CHN2: variants seen among roughly 807,000 people sequenced by gnomAD.
The protein encoded by CHN2 is chimerin 2.
Under a neutral mutation model 56.3 loss-of-function variants are expected in CHN2, and 35 were observed. That is an observed-to-expected ratio of 0.62 (90% confidence interval 0.47 to 0.82). The LOEUF (loss-of-function observed/expected upper bound fraction) is 0.82, where lower values mean the gene tolerates loss of function less well. CHN2 is among the 40% of genes least tolerant of loss of function. The pLI is 0.00. For synonymous variants in CHN2, 210 were observed against 212.8 expected (o/e 0.99, Z 0.12); for missense variants, 491 against 580.5 (o/e 0.85, Z 1.58).
intron 6 of CHN2, among the ~76,000 whole-genome samples, chr7:29,458,521 AC>A (rs1585465126): frequency 6.6e-6 from 1 of 152,100 alleles, no homozygotes; most frequent in East Asian, 1.9e-4. Context: ...CCTGCCCCCA[AC>A]TTTTTACTTC....
intron 1 of CHN2, among the ~76,000 whole-genome samples, chr7:29,231,556 A>G (rs117985843): frequency 0.049 from 7,421 of 152,278 alleles, 254 homozygotes; most frequent in Non-Finnish European, 0.076. Flanking sequence ...TAATGGTAAC[A>G]TATTGTCCTC....
At chr7:29,408,796 C>T (rs952749817) in intron 6 of CHN2, among the ~76,000 whole-genome samples, 10 of 152,058 alleles carry the variant, frequency 6.6e-5, no homozygotes, top group Non-Finnish European at 1.0e-4. Context: ...CAAAGAGGAA[C>T]GGAAGAGGAA....
In CHN2 at chr7:29,513,780, T is replaced by C; in HGVS notation, c.*1045T>C. The C allele has an allele frequency of 6.6e-6, 1 of 152,646 alleles. No homozygotes were observed. The highest frequency in any genetic ancestry group is 1.9e-4 in the East Asian group (1 of 5,208). The allele number at this position is 152,646 out of a possible 1,614,324, so 9.5% of individuals were successfully genotyped here. A position where few individuals can be genotyped will look rare whatever the true frequency, so the allele number is the denominator to read the frequency against. ...TTTTTTAAAGTGAGAATAAGGTTGG[T>C]TTTTACCAAATATTTGTTCCTCCTT... On this transcript the variant is annotated 3_prime_UTR_variant, in exon 13 of 13. Coordinates refer to ENST00000222792, the MANE Select transcript of CHN2 (RefSeq NM_004067.4).
intron 1 of CHN2, among the ~76,000 whole-genome samples, chr7:29,308,044 T>C (rs1794304980): frequency 6.6e-6 from 1 of 152,250 alleles, no homozygotes; most frequent in Non-Finnish European, 1.5e-5. Context: ...CAGCTAATAG[T>C]GTCTACTGGG....
At position 29,170,788 on chromosome 7, in the gene CHN2, G is replaced by A. The variant is rs186887974; in HGVS notation, c.274+23828G>A. Among the ~76,000 whole-genome samples, 740 of 152,228 alleles carry A rather than the reference G, an allele frequency of 4.9e-3. 4 individuals are homozygous for A. The highest frequency in any genetic ancestry group is 0.017 in the African/African-American group (714 of 41,522). On this transcript the variant is annotated intron_variant, in intron 2 of 6. Transcript: ENST00000439384. Reference sequence around the variant, plus strand: ...TATAGTTCCATATGGCTGGTGGGGGGGCCTCACAATCATGGCGGAAGGCGA... The same window carrying A: ...TATAGTTCCATATGGCTGGTGGGGGAGCCTCACAATCATGGCGGAAGGCGA...
Position 29,512,912 on chromosome 7 carries a change from G to T in CHN2, c.*177G>T. ...ATAGACATGCGCCACCTCCACGTGA[G>T]AACAAGGGTGAAGGTGAGGGAAGCC... is the stretch of plus-strand genomic sequence containing the variant. On this transcript the variant is annotated 3_prime_UTR_variant, in exon 13 of 13. Coordinates refer to ENST00000222792, the MANE Select transcript of CHN2 (RefSeq NM_004067.4). The T allele has an allele frequency of 1.7e-6, 1 of 594,776 alleles. No homozygotes were observed. The highest frequency in any genetic ancestry group is 2.8e-6 in the Non-Finnish European group (1 of 355,094). The allele number at this position is 594,776 out of a possible 1,614,324, so 36.8% of individuals were successfully genotyped here.
chr7:29,462,407 G>A (rs1470086369), intron 6 of CHN2, among the ~76,000 whole-genome samples: 3 of 152,182 alleles, frequency 2.0e-5, no homozygotes, highest in African/African-American at 7.2e-5. Context: ...GTACAGCAGG[G>A]ATGGCTTGCT....
At chr7:29,486,104 G>A (rs1329131603) in intron 7 of CHN2, among the ~76,000 whole-genome samples, 1 of 152,132 alleles carries the variant, frequency 6.6e-6, no homozygotes, top group Non-Finnish European at 1.5e-5. Context: ...ATTTATGTGT[G>A]TGTTTGCCTG....
intron 3 of CHN2, among the ~76,000 whole-genome samples, chr7:29,391,114 G>A (rs1290673410): frequency 1.3e-5 from 2 of 151,904 alleles, no homozygotes; most frequent in Non-Finnish European, 2.9e-5. Context: ...TTTTCTTTAC[G>A]AGCTTCAGAG....
At chr7:29,323,158 G>A (rs976388167) in intron 1 of CHN2, among the ~76,000 whole-genome samples, 3 of 80,466 alleles carry the variant, frequency 3.7e-5, no homozygotes, top group Admixed American at 1.6e-4. Flanking sequence ...CGTCCCCCCC[G>A]TTCCCCCCCA....
chr7:29,273,351 A>ATGTG (rs1790855278), intron 1 of CHN2, among the ~76,000 whole-genome samples: 2 of 49,832 alleles, frequency 4.0e-5, no homozygotes, highest in Non-Finnish European at 7.7e-5. Flanking sequence ...GTGTATATAT[A>ATGTG]TATATATATA....
Position 29,375,185 on chromosome 7 carries a change from C to T in CHN2, c.144+7198C>T, listed in dbSNP as rs538362227. On this transcript the variant is annotated intron_variant, in intron 3 of 12. Coordinates refer to ENST00000222792, the MANE Select transcript of CHN2 (RefSeq NM_004067.4). Reference sequence around the variant, plus strand: ...GATTACAAGCATGAGCCACCGTGCTCGGCCCTTTTTTTTTTTTTTTTTTTT... The same window carrying T: ...GATTACAAGCATGAGCCACCGTGCTTGGCCCTTTTTTTTTTTTTTTTTTTT... Among the ~76,000 whole-genome samples the T allele has an allele frequency of 3.4e-5, 4 of 117,470 alleles. No individual in the cohort carries two copies. The East Asian group carries it at 1.0e-3, about 31-fold the overall frequency. 77.1% of individuals were successfully genotyped at this position (117,470 alleles called of 152,430 possible).
At chr7:29,319,603 C>T (rs1379267972) in intron 1 of CHN2, among the ~76,000 whole-genome samples, 3 of 152,120 alleles carry the variant, frequency 2.0e-5, no homozygotes, top group Admixed American at 6.6e-5. Context: ...GTCAAAGGGT[C>T]CAGGAGCTCT....
intron 6 of CHN2, among the ~76,000 whole-genome samples, chr7:29,472,955 T>C (rs935973070): frequency 6.6e-6 from 1 of 152,174 alleles, no homozygotes; most frequent in African/African-American, 2.4e-5. Flanking sequence ...TGGGCCTGTT[T>C]CATAAGGCTA....
At chr7:29,313,480 C>T (rs762073958) in intron 1 of CHN2, among the ~76,000 whole-genome samples, 50 of 152,234 alleles carry the variant, frequency 3.3e-4, no homozygotes, top group Admixed American at 1.9e-3. Context: ...CAGAAAAATG[C>T]AGAAGCAGCC....
chr7:29,444,174 T>G (rs1783868532), intron 6 of CHN2, among the ~76,000 whole-genome samples: 1 of 152,240 alleles, frequency 6.6e-6, no homozygotes, highest in Non-Finnish European at 1.5e-5. Context: ...AGTGTAAATA[T>G]TGGAAGTCTA....
intron 1 of CHN2, among the ~76,000 whole-genome samples, chr7:29,352,357 GTGTGTGTGTGTA>G (rs1386873104): frequency 6.7e-6 from 1 of 150,252 alleles, no homozygotes; most frequent in Non-Finnish European, 1.5e-5. Flanking sequence ...TGTCGTGTGT[GTGTGTGTGTGTA>G]TGTGTGTGTG....
chr7:29,507,255 A>G lies in CHN2; in HGVS notation c.1019A>G (p.Asn340Ser), dbSNP rs780053750. ...GGTGAAAAGGCCGATATATCTGCCA[A>G]TGTCTATCCAGACATAAACATCATC... ...RDGEKADISA[N>S]VYPDINIITG... is the part of the protein sequence containing the mutation. The change falls in exon 11 of 13, where the codon AAT becomes AGT. Residue 340 changes from asparagine (N) to serine (S), a missense_variant. By Grantham distance (46) the Asn-to-Ser change is conservative. Coordinates refer to ENST00000222792, the MANE Select transcript of CHN2 (RefSeq NM_004067.4). 99 of 1,610,572 alleles carry G rather than the reference A, an allele frequency of 6.1e-5. 1 individual carries two copies. The South Asian group carries it at 1.0e-3, about 17-fold the overall frequency.
rs1388164064 is a variant in CHN2, at chr7:29,199,112, A to G, written c.49+4122A>G. ...ATTCTATACAACAGTATTGTGGGCC[A>G]GGTAAATCATGCTGTTTTCTGCTAT... is the stretch of plus-strand genomic sequence containing the variant. On this transcript the variant is annotated intron_variant, in intron 1 of 12. Coordinates refer to ENST00000222792, the MANE Select transcript of CHN2 (RefSeq NM_004067.4). Among the ~76,000 whole-genome samples the G allele has an allele frequency of 2.0e-5, 3 of 152,240 alleles. 1 individual carries two copies. Among genetic ancestry groups the G allele is most frequent in the African/African-American group, 7.2e-5 (3 of 41,460 alleles).
Sources: allele counts gnomAD v4.1 joint callset (sites outside exome capture counted in the v4.1 genomes callset), GRCh38; gene constraint gnomAD v4.1.1; transcripts MANE v1.5; gene names NCBI Gene and HGNC (gene_info 2026-07-23, HGNC 2026-07-21).